The following DNAAF5 variants were observed in gnomAD, a reference collection of about 807,000 sequenced individuals.
The protein encoded by DNAAF5 is dynein axonemal assembly factor 5.
In DNAAF5, 64 loss-of-function variants were observed where a neutral mutation model predicts 75.8. The ratio of observed to expected loss-of-function variants is 0.84; its 90% CI spans 0.69 to 1.04. The LOEUF (loss-of-function observed/expected upper bound fraction) is 1.04, where lower values mean the gene tolerates loss of function less well. Among genes scored for constraint, DNAAF5 ranks in the 50% least tolerant of loss-of-function variants. The pLI is 0.00. For missense variants in DNAAF5, 1,269 were observed against 1,178.5 expected (o/e 1.08, Z -1.12); for synonymous variants, 657 against 557.2 (o/e 1.18, Z -2.52).
chr7:729,687 C>T lies in DNAAF5; in HGVS notation c.620C>T (p.Ser207Phe). ...TPDHFHMQSE[S>F]LIGPLMQTIS... ...GACCACTTCCACATGCAGTCGGAGTCTCTGATCGGGCCCCTGATGCAGACC... is the reference window on the plus strand; with the variant it reads ...GACCACTTCCACATGCAGTCGGAGTTTCTGATCGGGCCCCTGATGCAGACC... The change falls in exon 2 of 13, where the codon TCT becomes TTT. Residue 207 changes from serine to phenylalanine, a missense_variant. Transcript: ENST00000297440. The T allele has an allele frequency of 1.2e-6, 2 of 1,614,066 alleles. No homozygotes were observed. Among genetic ancestry groups the T allele is most frequent in the Non-Finnish European group, 1.7e-6 (2 of 1,180,026 alleles).
chr7:767,027 C>G (rs1778323297), intron 8 of DNAAF5, among the ~76,000 whole-genome samples: 2 of 151,748 alleles, frequency 1.3e-5, no homozygotes, highest in Non-Finnish European at 1.5e-5. Flanking sequence ...ATCCCGATGT[C>G]AGGAGATCGA....
chr7:766,354 G>A (rs1782821453), intron 8 of DNAAF5, among the ~76,000 whole-genome samples: 1 of 151,912 alleles, frequency 6.6e-6, no homozygotes, highest in African/African-American at 2.4e-5. Flanking sequence ...GAAGACAAAA[G>A]GATTAAAACA....
chr7:732,679 C>A (rs994612283), intron 2 of DNAAF5: 1 of 452,850 alleles, frequency 2.2e-6, no homozygotes, highest in Admixed American at 2.4e-5. Context: ...ATTTTTAAAT[C>A]GCGTTATTAG....
chr7:774,552 GCTTTC>G (rs1236811824), intron 10 of DNAAF5, among the ~76,000 whole-genome samples: 32 of 135,088 alleles, frequency 2.4e-4, no homozygotes, highest in South Asian at 4.8e-4. Flanking sequence ...ACGGGCCTGG[GCTTTC>G]CGCATCGTTT....
chr7:739,595 G>A (rs544685381), intron 2 of DNAAF5, among the ~76,000 whole-genome samples: 10 of 152,326 alleles, frequency 6.6e-5, no homozygotes, highest in Admixed American at 5.2e-4. Context: ...CTGCTCGCAC[G>A]CCGAGAGTCG....
At chr7:760,703 G>C (rs1428658713) in intron 6 of DNAAF5, among the ~76,000 whole-genome samples, 2 of 152,210 alleles carry the variant, frequency 1.3e-5, no homozygotes, top group Non-Finnish European at 2.9e-5. Flanking sequence ...CAAAGCCTTA[G>C]GAATTCTTGG....
At position 756,961 on chromosome 7, in the gene DNAAF5, G is replaced by A. The variant is rs2128078963; in HGVS notation, c.1437G>A (p.Leu479=). The part of the protein sequence containing the change: ...QPHLAAIATE[L]AQAHICQASE... ...ACCTGGCAGCCATCGCCACAGAGCTGGCACAGGCCCACATCTGCCAGGCAT... is the reference window on the plus strand; with the variant it reads ...ACCTGGCAGCCATCGCCACAGAGCTAGCACAGGCCCACATCTGCCAGGCAT... Residue 479 remains leucine, a synonymous_variant, in exon 6 of 13, where the codon CTG becomes CTA. Transcript: ENST00000297440. 1.2e-6 allele frequency: 2 copies of A among 1,606,362 alleles called. No individual in the cohort carries two copies. The highest frequency in any genetic ancestry group is 2.2e-5 in the East Asian group (1 of 44,866).
chr7:769,196 A>T (rs777194679), intron 8 of DNAAF5: 1 of 773,988 alleles, frequency 1.3e-6, no homozygotes, highest in African/African-American at 1.7e-5. Flanking sequence ...GTCCCCAGCA[A>T]CGGCTCAAGG....
intron 12 of DNAAF5, among the ~76,000 whole-genome samples, chr7:784,241 G>C (rs913385406): frequency 6.6e-6 from 1 of 152,160 alleles, no homozygotes; most frequent in Non-Finnish European, 1.5e-5. Flanking sequence ...TCGCCCATGT[G>C]GGCCCCTCAC....
In DNAAF5 at chr7:726,845, G is replaced by A. The variant is rs755239830; in HGVS notation, c.125G>A (p.Ser42Asn). Residue 42 changes from serine (S) to asparagine (N), a missense_variant, in exon 1 of 13, where the codon AGC becomes AAC. Ser to Asn is a conservative substitution (Grantham distance 46, BLOSUM62 1). Transcript: ENST00000297440. ...SRLLPGLEAD[S>N]KPGRRRALEA... is the part of the protein sequence containing the mutation. ...CTGCTGCCGGGGCTGGAGGCCGACA[G>A]CAAGCCGGGCCGGCGGCGCGCCTTG... The A allele has an allele frequency of 2.3e-6, 3 of 1,323,048 alleles. No homozygotes were observed. The South Asian group carries it at 6.1e-5, about 27-fold the overall frequency. 82.0% of individuals were successfully genotyped at this position (1,323,048 alleles called of 1,614,324 possible).
At chr7:774,625 C>A (rs1351186805) in intron 10 of DNAAF5, among the ~76,000 whole-genome samples, 1 of 152,176 alleles carries the variant, frequency 6.6e-6, no homozygotes, top group Non-Finnish European at 1.5e-5. Context: ...TGCCCGCCCG[C>A]GTCCTGGTCG....
At chr7:761,620 A>G in intron 6 of DNAAF5, 133 bp from the exon 7 acceptor site, 1 of 865,498 alleles carries the variant, frequency 1.2e-6, no homozygotes, top group Admixed American at 2.8e-5. Flanking sequence ...ACCCACCCCC[A>G]TGATTCAGTT....
At chr7:761,010 T>C (rs1782626662) in intron 6 of DNAAF5, among the ~76,000 whole-genome samples, 1 of 152,230 alleles carries the variant, frequency 6.6e-6, no homozygotes, top group South Asian at 2.1e-4. Context: ...CCACTTTTCT[T>C]TTTAACTTTG....
At chr7:727,425 C>A in intron 1 of DNAAF5, 110 bp downstream of exon 1, 1 of 472,164 alleles carries the variant, frequency 2.1e-6, no homozygotes, top group Non-Finnish European at 3.1e-6. Context: ...CCCCTCCACG[C>A]CCGCACCCCC....
chr7:763,764 T>C (rs1782737019), intron 7 of DNAAF5, 42 bp from the exon 8 acceptor site: 4 of 1,603,562 alleles, frequency 2.5e-6, no homozygotes, highest in African/African-American at 2.7e-5. Context: ...GCTTGAGCCC[T>C]GAGTGTTGGA....
In DNAAF5 at chr7:765,366, G is replaced by C. The variant is rs942223320; in HGVS notation, c.1783+1392G>C. Among the ~76,000 whole-genome samples the C allele has an allele frequency of 5.9e-5, 9 of 152,106 alleles. No individual in the cohort carries two copies. The South Asian group carries it at 1.5e-3, about 25-fold the overall frequency. On this transcript the variant is annotated intron_variant, in intron 8 of 12. Coordinates refer to ENST00000297440, the MANE Select transcript of DNAAF5 (RefSeq NM_017802.4). ...ACGGGCCTCTTGGATGGGGGCCCAGGGTGTTGCATTTCAGATTTTTACTGA... is the reference window on the plus strand; with the variant it reads ...ACGGGCCTCTTGGATGGGGGCCCAGCGTGTTGCATTTCAGATTTTTACTGA...
intron 9 of DNAAF5, 160 bp downstream of exon 9, chr7:770,778 A>T (rs1318577278): frequency 1.5e-6 from 1 of 680,656 alleles, no homozygotes; most frequent in Non-Finnish European, 2.3e-6. Flanking sequence ...ACACTGAGTC[A>T]AAGGTGGGCC....
intron 5 of DNAAF5, among the ~76,000 whole-genome samples, chr7:755,128 G>A (rs981514413): frequency 6.6e-6 from 1 of 152,248 alleles, no homozygotes; most frequent in Non-Finnish European, 1.5e-5. Flanking sequence ...CAGGGCCCGG[G>A]CTGCTGACAC....
chr7:757,450 T>A (rs1782523446), intron 6 of DNAAF5, among the ~76,000 whole-genome samples: 1 of 152,104 alleles, frequency 6.6e-6, no homozygotes, highest in South Asian at 2.1e-4. Context: ...TCCCATCCAG[T>A]CCCCAGGGTA....
Sources: allele counts gnomAD v4.1 joint callset (sites outside exome capture counted in the v4.1 genomes callset), GRCh38; gene constraint gnomAD v4.1.1; transcripts MANE v1.5; gene names NCBI Gene and HGNC (gene_info 2026-07-23, HGNC 2026-07-21).